LPP: variants seen among roughly 807,000 people sequenced by gnomAD.
LPP encodes lipoma-preferred partner.
Under a neutral mutation model 60.4 loss-of-function variants are expected in LPP, and 38 were observed. The observed-to-expected ratio is 0.63, with a 90% confidence interval of 0.49 to 0.83. The LOEUF is 0.83. Among genes scored for constraint, LPP ranks in the 40% least tolerant of loss-of-function variants. The probability of loss-of-function intolerance (pLI) is 0.00; values close to 1 mark genes in which losing one functional copy is unlikely to be tolerated. For missense variants in LPP, 902 were observed against 783.6 expected (o/e 1.15, Z -1.80); for synonymous variants, 328 against 290.8 (o/e 1.13, Z -1.30).
intron 7 of LPP, among the ~76,000 whole-genome samples, chr3:188,707,425 A>T (rs1865702881): frequency 6.6e-6 from 1 of 152,184 alleles, no homozygotes; most frequent in East Asian, 1.9e-4. Flanking sequence ...GCCGCGCCAA[A>T]GCCCCAAAGT....
chr3:188,609,619 T>C lies in LPP; in HGVS notation c.888T>C (p.Tyr296=). The C allele has an allele frequency of 6.2e-7, 1 of 1,614,194 alleles. No individual in the cohort carries two copies. Residue 296 remains tyrosine, a synonymous_variant, in exon 7 of 12, where the codon TAT becomes TAC. Coordinates refer to ENST00000617246, the MANE Select transcript of LPP (RefSeq NM_001375462.1). This position sits in a 1 kb window ranked among gnomAD's most constrained non-coding sequence, Gnocchi z 6.9. ...GYGYAPNQGR[Y]YEGYYAAGPG... ...GGTATGCCCCCAACCAGGGACGCTATTATGAAGGCTACTATGCAGCAGGGC... is the reference window on the plus strand; with the variant it reads ...GGTATGCCCCCAACCAGGGACGCTACTATGAAGGCTACTATGCAGCAGGGC...
chr3:188,194,425 T>C (rs747158616), intron 1 of LPP, among the ~76,000 whole-genome samples: 6 of 152,158 alleles, frequency 3.9e-5, no homozygotes, highest in Non-Finnish European at 5.9e-5. Context: ...GTCCTCTCTC[T>C]AGAGAGGCAA....
rs531891627 is a variant in LPP at position 188,656,084 on chromosome 3, C to T, written c.1113+46240C>T. Among the ~76,000 whole-genome samples the T allele has an allele frequency of 2.0e-5, 3 of 151,692 alleles. No homozygotes were observed. In the East Asian group the frequency reaches 5.8e-4, roughly 30 times the overall value. ...GTGCATGCCTGTAATCCCAGCTACT[C>T]AGGAGGCTGAGACAGGAGAATTGCT... On this transcript the variant is annotated intron_variant, in intron 7 of 11. Transcript: ENST00000617246.
intron 9 of LPP, among the ~76,000 whole-genome samples, chr3:188,761,143 G>A (rs1473459477): frequency 6.6e-6 from 1 of 152,064 alleles, no homozygotes; most frequent in Admixed American, 6.6e-5. Context: ...TGTTTGTTAT[G>A]TAAACCCACA....
At chr3:188,410,228 A>C (rs940484553) in intron 4 of LPP, among the ~76,000 whole-genome samples, 1 of 152,210 alleles carries the variant, frequency 6.6e-6, no homozygotes, top group East Asian at 1.9e-4. Context: ...CTACTTCTCC[A>C]GACACAGGTT....
At position 188,303,704 on chromosome 3, in the gene LPP, A is replaced by T. The variant is rs192970694; in HGVS notation, c.-66-37959A>T. On this transcript the variant is annotated intron_variant, in intron 2 of 11. Transcript: ENST00000617246. ...TTGTGGTGAATAATGAGGAGATCAG[A>T]TGTTTTATAACAGGAGTTTCCTGAC... Among the ~76,000 whole-genome samples, 16 of 152,310 alleles carry T rather than the reference A, an allele frequency of 1.1e-4. 1 individual carries two copies. The East Asian group carries it at 3.1e-3, about 29-fold the overall frequency.
At chr3:188,426,551 G>T (rs1032229066) in intron 4 of LPP, among the ~76,000 whole-genome samples, 1 of 152,082 alleles carries the variant, frequency 6.6e-6, no homozygotes, top group African/African-American at 2.4e-5. Flanking sequence ...TGACAGTGGG[G>T]TGTTAAAGTC....
At chr3:188,331,773 G>A (rs894571840) in intron 2 of LPP, among the ~76,000 whole-genome samples, 1 of 152,144 alleles carries the variant, frequency 6.6e-6, no homozygotes, top group Admixed American at 6.5e-5. Flanking sequence ...TGAGTAAATG[G>A]TATGTGTATG....
intron 6 of LPP, among the ~76,000 whole-genome samples, chr3:188,589,463 G>T (rs531734504): frequency 6.6e-6 from 1 of 152,100 alleles, no homozygotes; most frequent in Non-Finnish European, 1.5e-5. Flanking sequence ...ATGTATAAGC[G>T]TATGGTTTAT....
In LPP at chr3:188,683,718, A is replaced by C. The variant is rs565661013; in HGVS notation, c.1114-24549A>C. Among the ~76,000 whole-genome samples the C allele has an allele frequency of 2.0e-5, 3 of 152,328 alleles. No homozygotes were observed. The East Asian group carries it at 5.8e-4, about 29-fold the overall frequency. ...TATGAAAATGTGTCGTCAGGAAATCAGAGTTGTGTTGCGGGGTGGGGAGCA... is the reference window on the plus strand; with the variant it reads ...TATGAAAATGTGTCGTCAGGAAATCCGAGTTGTGTTGCGGGGTGGGGAGCA... On this transcript the variant is annotated intron_variant, in intron 7 of 11. Transcript: ENST00000617246.
At chr3:188,634,453 C>A (rs9848015) in intron 7 of LPP, among the ~76,000 whole-genome samples, 20,515 of 152,192 alleles carry the variant, frequency 0.13, 1,438 homozygotes, top group South Asian at 0.17. Context: ...GGTGCCCAAC[C>A]CCCGGGCCAT....
intron 2 of LPP, among the ~76,000 whole-genome samples, chr3:188,267,122 G>T (rs990912328): frequency 6.6e-6 from 1 of 152,182 alleles, no homozygotes; most frequent in African/African-American, 2.4e-5. Context: ...AGGGAGTGTG[G>T]TGGAGAGACG....
intron 7 of LPP, among the ~76,000 whole-genome samples, chr3:188,661,053 T>C (rs1560025717): frequency 2.0e-5 from 3 of 152,296 alleles, no homozygotes; most frequent in East Asian, 3.9e-4. Flanking sequence ...GCTTCATAGT[T>C]TTGCCTTATC....
intron 7 of LPP, among the ~76,000 whole-genome samples, chr3:188,706,109 T>A (rs2149666201): frequency 6.6e-6 from 1 of 152,332 alleles, no homozygotes; most frequent in Non-Finnish European, 1.5e-5. Flanking sequence ...TTCAGTAGCT[T>A]CTCTAATCCT....
chr3:188,291,191 A>G (rs1349906889), intron 2 of LPP, among the ~76,000 whole-genome samples: 1 of 152,118 alleles, frequency 6.6e-6, no homozygotes, highest in Non-Finnish European at 1.5e-5. Context: ...CCCAAACAAC[A>G]ATTATCTTTA....
intron 8 of LPP, among the ~76,000 whole-genome samples, chr3:188,730,477 C>T: frequency 6.6e-6 from 1 of 152,118 alleles, no homozygotes; most frequent in East Asian, 1.9e-4. Context: ...TCTTGGTACT[C>T]ACTTGTAAGT....
Position 188,384,891 on chromosome 3 carries a change from A to G in LPP, c.-9-21221A>G, listed in dbSNP as rs773165434. ...GGCCAGAGAGATAGAGGCATGCCCT[A>G]TGTAGTACATCTTGCTGCTGTCCCT... On this transcript the variant is annotated intron_variant, in intron 3 of 11. Transcript: ENST00000617246. Among the ~76,000 whole-genome samples, 3 of 150,624 alleles carry G rather than the reference A, an allele frequency of 2.0e-5. No homozygotes were observed. In the East Asian group the frequency reaches 5.8e-4, roughly 29 times the overall value.
rs1199926843 is a variant in LPP at position 188,609,286 on chromosome 3, A to C, written c.555A>C (p.Ala185=). ...AGTCTACATTGAAACCACAGCCTGC[A>C]CCCCAGGCTGGACCCATCCCTGTGG... The part of the protein sequence containing the change: ...TKKSTLKPQP[A]PQAGPIPVAP... Residue 185 remains alanine (A), a synonymous_variant, in exon 7 of 12, where the codon GCA becomes GCC. Transcript: ENST00000617246. The surrounding 1 kb of genome is among the most constrained non-coding windows in gnomAD (Gnocchi z 6.9). 3 of 1,613,828 alleles carry C rather than the reference A, an allele frequency of 1.9e-6. No homozygotes were observed. In the African/African-American group the frequency reaches 4.0e-5, roughly 22 times the overall value.
intron 9 of LPP, among the ~76,000 whole-genome samples, chr3:188,814,603 CTTG>C (rs1267935411): frequency 2.6e-5 from 4 of 152,108 alleles, no homozygotes; most frequent in Non-Finnish European, 5.9e-5. Context: ...TATTAAAATT[CTTG>C]TTGTTCCTCA....
Sources: gnomAD v4.1 joint callset for allele counts (sites outside exome capture counted in the v4.1 genomes callset) on GRCh38, gnomAD v4.1.1 for gene constraint, Gnocchi (gnomAD v3.1) non-coding constraint, MANE v1.5 for transcripts, NCBI Gene and HGNC (gene_info 2026-07-23, HGNC 2026-07-21) for gene names.